The following MEI4 variants were observed in gnomAD, a reference collection of about 807,000 sequenced individuals.
MEI4 encodes meiotic double-stranded break formation protein 4, also known as meiosis-specific protein MEI4.
In MEI4, 27 loss-of-function variants were observed where a neutral mutation model predicts 31.4. The ratio of observed to expected loss-of-function variants is 0.86; its 90% CI spans 0.63 to 1.19. MEI4 has a LOEUF of 1.19. MEI4 is among the 50% of genes most tolerant of loss of function. MEI4 has a pLI of 0.00. For missense variants in MEI4, 329 were observed against 398.9 expected, an observed-to-expected ratio of 0.82 and a Z score of 1.49; for synonymous variants, 122 against 145.4, an observed-to-expected ratio of 0.84 and a Z score of 1.16.
chr6:77,884,380 ATT>A (rs1771572031), intron 4 of MEI4, among the ~76,000 whole-genome samples: 1 of 152,076 alleles, frequency 6.6e-6, no homozygotes, highest in Non-Finnish European at 1.5e-5. Flanking sequence ...TGTGTCTATT[ATT>A]GTTTTTGTTG....
intron 4 of MEI4, among the ~76,000 whole-genome samples, chr6:77,883,745 A>ATATATAT (rs55947073): frequency 0.075 from 6,176 of 82,068 alleles, 421 homozygotes; most frequent in Non-Finnish European, 0.097. Flanking sequence ...TATATATATA[A>ATATATAT]CTTTGTCTTT....
At chr6:77,731,656 G>T (rs1305045816) in intron 2 of MEI4, among the ~76,000 whole-genome samples, 3,029 of 151,040 alleles carry the variant, frequency 0.02, 110 homozygotes, top group African/African-American at 0.069. Context: ...GTCAATTTTG[G>T]CTTTTGTTGC....
intron 4 of MEI4, among the ~76,000 whole-genome samples, chr6:77,865,717 T>C (rs1351515735): frequency 6.6e-6 from 1 of 152,172 alleles, no homozygotes; most frequent in African/African-American, 2.4e-5. Flanking sequence ...GAATCCTCCC[T>C]AACTCATTTT....
chr6:77,749,910 C>T (rs1767723995), intron 2 of MEI4, among the ~76,000 whole-genome samples: 1 of 152,196 alleles, frequency 6.6e-6, no homozygotes, highest in African/African-American at 2.4e-5. Flanking sequence ...ACCAGACTAA[C>T]AGCAGATCTC....
intron 1 of MEI4, among the ~76,000 whole-genome samples, chr6:77,689,555 G>A (rs1041380884): frequency 2.0e-5 from 3 of 151,994 alleles, no homozygotes; most frequent in Non-Finnish European, 4.4e-5. Flanking sequence ...TGGTATATGA[G>A]TTGTTCTTTA....
chr6:77,806,893 T>G (rs1769454345), intron 3 of MEI4, among the ~76,000 whole-genome samples: 1 of 152,208 alleles, frequency 6.6e-6, no homozygotes. Flanking sequence ...TGTCTATGGC[T>G]GCTTTTGTAC....
rs1239146249 is a variant in MEI4 at position 77,690,904 on chromosome 6, G to A, written c.232+1G>A. 8.2e-7 allele frequency: 1 copy of A among 1,226,930 alleles called. No individual in the cohort carries two copies. The highest frequency in any genetic ancestry group is 1.0e-6 in the Non-Finnish European group (1 of 983,504). 76.0% of individuals were successfully genotyped at this position (1,226,930 alleles called of 1,614,324 possible). A position where few individuals can be genotyped will look rare whatever the true frequency, so the allele number is the denominator to read the frequency against. ...CTTTGTTCAGGATCCTTTAAGAGTG[G>A]TGAGTATATAAAATTGCCTTTTGGT... On this transcript the variant is annotated splice_donor_variant, in intron 2 of 4. Transcript: ENST00000684080. LOFTEE classifies it high-confidence loss of function.
At chr6:77,684,294 A>C (rs1432914014) in intron 1 of MEI4, among the ~76,000 whole-genome samples, 2 of 152,170 alleles carry the variant, frequency 1.3e-5, no homozygotes, top group African/African-American at 4.8e-5. Flanking sequence ...TATGGGGTAC[A>C]TGAGATACTT....
intron 4 of MEI4, among the ~76,000 whole-genome samples, chr6:77,918,120 G>C (rs1300271481): frequency 3.3e-5 from 5 of 149,812 alleles, no homozygotes; most frequent in African/African-American, 7.3e-5. Flanking sequence ...CTGTTCCATT[G>C]ATCTATATCT....
chr6:77,665,196 T>G (rs1768602686), intron 1 of MEI4, among the ~76,000 whole-genome samples: 2 of 146,766 alleles, frequency 1.4e-5, no homozygotes, highest in East Asian at 2.0e-4. Context: ...GGTCGAGGCA[T>G]GGAAATAAGG....
intron 2 of MEI4, among the ~76,000 whole-genome samples, chr6:77,728,691 C>A (rs78934375): frequency 0.017 from 2,557 of 152,228 alleles, 40 homozygotes; most frequent in Non-Finnish European, 0.023. Context: ...GAGTTGACTC[C>A]TGAAGGAGTG....
chr6:77,895,453 A>C (rs547869202), intron 4 of MEI4, among the ~76,000 whole-genome samples: 1 of 152,232 alleles, frequency 6.6e-6, no homozygotes, highest in Non-Finnish European at 1.5e-5. Flanking sequence ...CTATACCGAC[A>C]ACAATTTTCA....
chr6:77,895,710 A>G (rs1766070680), intron 4 of MEI4, among the ~76,000 whole-genome samples: 1 of 152,114 alleles, frequency 6.6e-6, no homozygotes, highest in Non-Finnish European at 1.5e-5. Flanking sequence ...CTGTATCCCC[A>G]GCACCTACCC....
chr6:77,669,097 A>T (rs995704450), intron 1 of MEI4, among the ~76,000 whole-genome samples: 1 of 152,222 alleles, frequency 6.6e-6, no homozygotes, highest in Admixed American at 6.5e-5. Flanking sequence ...GTTAATACAG[A>T]CATGGATGCA....
intron 2 of MEI4, among the ~76,000 whole-genome samples, chr6:77,746,339 T>C (rs1276641527): frequency 6.6e-6 from 1 of 152,160 alleles, no homozygotes; most frequent in Non-Finnish European, 1.5e-5. Flanking sequence ...GCAGATTACC[T>C]CCGAAATGTA....
intron 4 of MEI4, among the ~76,000 whole-genome samples, chr6:77,889,107 C>T (rs4134364): frequency 0.83 from 125,635 of 152,122 alleles, 52,400 homozygotes; most frequent in East Asian, 0.95. Context: ...AAACATAAAT[C>T]GATACCACAG....
chr6:77,863,521 A>G (rs932742764), intron 4 of MEI4, among the ~76,000 whole-genome samples: 3 of 152,130 alleles, frequency 2.0e-5, no homozygotes, highest in Non-Finnish European at 4.4e-5. Flanking sequence ...AGCGAGAAGA[A>G]AAGTTTAGAG....
At chr6:77,752,960 C>T (rs546897038) in intron 2 of MEI4, among the ~76,000 whole-genome samples, 1 of 152,234 alleles carries the variant, frequency 6.6e-6, no homozygotes, top group East Asian at 1.9e-4. Context: ...CATCTATAAC[C>T]ATTGGATCTT....
At chr6:77,743,561 C>T (rs1297211312) in intron 2 of MEI4, among the ~76,000 whole-genome samples, 1 of 152,152 alleles carries the variant, frequency 6.6e-6, no homozygotes, top group Non-Finnish European at 1.5e-5. Flanking sequence ...GTCATGTCAT[C>T]TGCAAACAGG....
Sources: allele counts gnomAD v4.1 joint callset (sites outside exome capture counted in the v4.1 genomes callset), GRCh38; gene constraint gnomAD v4.1.1; transcripts MANE v1.5; gene names NCBI Gene and HGNC (gene_info 2026-07-23, HGNC 2026-07-21).